The following CCNY variants were observed in gnomAD, a reference collection of about 807,000 sequenced individuals.
CCNY encodes cyclin Y.
A neutral mutation model predicts 42.8 loss-of-function variants in CCNY; 19 were observed. The ratio of observed to expected loss-of-function variants is 0.44; its 90% CI spans 0.31 to 0.65. The LOEUF is 0.65. CCNY is among the 30% of genes least tolerant of loss of function. The pLI, the probability that CCNY is intolerant of heterozygous loss-of-function variation, is 0.07. For synonymous variants in CCNY, 165 were observed against 162.7 expected (o/e 1.01, Z -0.11); for missense variants, 370 against 437.3 (o/e 0.85, Z 1.37).
chr10:35,377,249 C>T (rs1669844206), intron 1 of CCNY, among the ~76,000 whole-genome samples: 1 of 152,194 alleles, frequency 6.6e-6, no homozygotes, highest in Non-Finnish European at 1.5e-5. Context: ...ATTGACTCAG[C>T]ACTCACTTGC....
Position 35,400,232 on chromosome 10 carries a change from G to GA in CCNY, c.154+63028dup, listed in dbSNP as rs201218372. On this transcript the variant is annotated intron_variant, in intron 1 of 9. Transcript: ENST00000374704. ...TAAAAACGGCTTCTAGTGGTTTGAT[G>GA]AAAGGCATTCTGTTTAGAATCTCCC... Among the ~76,000 whole-genome samples the GA allele has an allele frequency of 7.8e-3, 1,044 of 133,082 alleles. 11 individuals carry two copies. The highest frequency in any genetic ancestry group is 0.027 in the African/African-American group (995 of 36,184). 87.3% of individuals were successfully genotyped at this position (133,082 alleles called of 152,430 possible).
chr10:35,304,148 G>A (rs1835573296), intron 3 of CCNY, among the ~76,000 whole-genome samples: 1 of 152,162 alleles, frequency 6.6e-6, no homozygotes, highest in Non-Finnish European at 1.5e-5. Flanking sequence ...TGCACATGGG[G>A]GAGCTCAGCA....
intron 3 of CCNY, among the ~76,000 whole-genome samples, chr10:35,267,608 T>C (rs1331288661): frequency 6.6e-6 from 1 of 152,122 alleles, no homozygotes; most frequent in Non-Finnish European, 1.5e-5. Flanking sequence ...CTGACAATGA[T>C]ATAGATGTAA....
intron 1 of CCNY, among the ~76,000 whole-genome samples, chr10:35,362,774 A>C (rs1237659173): frequency 6.7e-6 from 1 of 149,210 alleles, no homozygotes; most frequent in African/African-American, 2.5e-5. Flanking sequence ...ATCACATCCC[A>C]GAGGGTGTGG....
intron 4 of CCNY, among the ~76,000 whole-genome samples, chr10:35,521,984 G>A (rs923206599): frequency 6.6e-6 from 1 of 152,172 alleles, no homozygotes; most frequent in Non-Finnish European, 1.5e-5. Context: ...GTGTCAAGGA[G>A]CCAAATTTGA....
At chr10:35,306,568 G>C (rs529180980) in intron 3 of CCNY, among the ~76,000 whole-genome samples, 1 of 152,204 alleles carries the variant, frequency 6.6e-6, no homozygotes, top group Admixed American at 6.5e-5. Flanking sequence ...GAAGTTTGTG[G>C]GTCATTTAGC....
chr10:35,442,944 G>A (rs573663338), intron 1 of CCNY, among the ~76,000 whole-genome samples: 1 of 152,294 alleles, frequency 6.6e-6, no homozygotes, highest in African/African-American at 2.4e-5. Flanking sequence ...TTGCTCCTAG[G>A]CTACAAACTT....
intron 1 of CCNY, among the ~76,000 whole-genome samples, chr10:35,473,431 G>A (rs1446529274): frequency 2.0e-5 from 3 of 152,140 alleles, no homozygotes; most frequent in Admixed American, 2.0e-4. Context: ...TAGCACATGA[G>A]GTATTTCAAG....
intron 4 of CCNY, among the ~76,000 whole-genome samples, chr10:35,520,866 C>G (rs555833991): frequency 6.6e-6 from 1 of 152,146 alleles, no homozygotes; most frequent in Non-Finnish European, 1.5e-5. Context: ...CCCTCCCCAC[C>G]AAGTCCTCTG....
intron 7 of CCNY, among the ~76,000 whole-genome samples, chr10:35,548,590 C>G (rs1275557725): frequency 1.3e-5 from 2 of 152,060 alleles, no homozygotes; most frequent in Non-Finnish European, 2.9e-5. Context: ...GCCACCGCAC[C>G]CAGCCAAGAA....
rs192449589 is a variant in CCNY, at chr10:35,514,285, A to G, written c.265-2238A>G. On this transcript the variant is annotated intron_variant, in intron 3 of 9. Transcript: ENST00000374704. ...GAGATACTCTGAAACTAAAATCTTTATAACTCAATACTTGGGATCTTTATT... is the reference window on the plus strand; with the variant it reads ...GAGATACTCTGAAACTAAAATCTTTGTAACTCAATACTTGGGATCTTTATT... Among the ~76,000 whole-genome samples, 882 of 152,304 alleles carry G rather than the reference A, an allele frequency of 5.8e-3. 6 individuals are homozygous for G. The highest frequency in any genetic ancestry group is 0.017 in the South Asian group (83 of 4,828).
At chr10:35,495,915 A>G (rs1233956987) in intron 2 of CCNY, among the ~76,000 whole-genome samples, 2 of 152,078 alleles carry the variant, frequency 1.3e-5, no homozygotes, top group Non-Finnish European at 1.5e-5. Context: ...GAGTGAGTGA[A>G]TTCACTGAAT....
chr10:35,511,860 A>G (rs1048432734), intron 3 of CCNY, among the ~76,000 whole-genome samples: 52 of 152,222 alleles, frequency 3.4e-4, no homozygotes, highest in African/African-American at 1.2e-3. Context: ...GGAGAGATGG[A>G]GAGTTGACTC....
intron 1 of CCNY, among the ~76,000 whole-genome samples, chr10:35,378,645 C>T (rs946077733): frequency 7.9e-5 from 12 of 151,872 alleles, no homozygotes; most frequent in Admixed American, 3.9e-4. Flanking sequence ...GGAGATGAAG[C>T]CCGGGACGTG....
chr10:35,542,087 CTTCT>C (rs1474479832), intron 7 of CCNY, among the ~76,000 whole-genome samples: 1 of 148,374 alleles, frequency 6.7e-6, no homozygotes, highest in Admixed American at 6.8e-5. Context: ...CATCCCTTTT[CTTCT>C]TTAGGATCCC....
intron 1 of CCNY, among the ~76,000 whole-genome samples, chr10:35,375,841 T>C (rs1427816317): frequency 1.3e-5 from 2 of 151,942 alleles, no homozygotes; most frequent in East Asian, 1.9e-4. Flanking sequence ...GACAGGTGTG[T>C]GGAAGGAGCT....
At chr10:35,327,128 G>T (rs1040217263) in intron 3 of CCNY, among the ~76,000 whole-genome samples, 2 of 152,010 alleles carry the variant, frequency 1.3e-5, no homozygotes, top group Admixed American at 6.6e-5. Flanking sequence ...GGGAGGAAAT[G>T]TATTATTTCT....
rs1461538150 is a variant in CCNY, at chr10:35,569,339, G to A, written c.*169G>A. 3.5e-5 allele frequency: 21 copies of A among 605,328 alleles called. No individual in the cohort carries two copies. The East Asian group carries it at 4.4e-4, about 13-fold the overall frequency. The allele number at this position is 605,328 out of a possible 1,614,324, so 37.5% of individuals were successfully genotyped here. On this transcript the variant is annotated 3_prime_UTR_variant, in exon 10 of 10. Transcript: ENST00000374704. Reference sequence around the variant, plus strand: ...CCATGCAGCAAGGCTTGGAGGAAGCGTCAGTGCCCTGGAGATCCCAGCTCG... The same window carrying A: ...CCATGCAGCAAGGCTTGGAGGAAGCATCAGTGCCCTGGAGATCCCAGCTCG...
At chr10:35,555,237 C>A (rs1479214665) in intron 8 of CCNY, among the ~76,000 whole-genome samples, 1 of 152,164 alleles carries the variant, frequency 6.6e-6, no homozygotes, top group African/African-American at 2.4e-5. Flanking sequence ...GCTCATCTTT[C>A]TTAATCCCAG....
Sources: allele counts gnomAD v4.1 joint callset (sites outside exome capture counted in the v4.1 genomes callset), GRCh38; gene constraint gnomAD v4.1.1; transcripts MANE v1.5; gene names NCBI Gene and HGNC (gene_info 2026-07-23, HGNC 2026-07-21).